The following UTRN variants were observed in gnomAD, a reference collection of about 807,000 sequenced individuals.
The protein encoded by UTRN is dystrophin-related protein 1.
A neutral mutation model predicts 463.9 loss-of-function variants in UTRN; 283 were observed. That is an observed-to-expected ratio of 0.61 (90% CI 0.55 to 0.67). UTRN has a LOEUF of 0.67. UTRN is among the 30% of genes least tolerant of loss of function. The pLI, the probability that UTRN is intolerant of heterozygous loss-of-function variation, is 0.00. For missense variants in UTRN, 3,922 were observed against 4,084.3 expected, an observed-to-expected ratio of 0.96 and a Z score of 1.08; for synonymous variants, 1,442 against 1,431.5, an observed-to-expected ratio of 1.01 and a Z score of -0.17.
chr6:144,480,237 T>C, intron 26 of UTRN, among the ~76,000 whole-genome samples: 1 of 152,198 alleles, frequency 6.6e-6, no homozygotes, highest in East Asian at 1.9e-4. Context: ...AAGTTAGACC[T>C]TTGGGAGGCT....
intron 26 of UTRN, 108 bp downstream of exon 26, chr6:144,480,090 C>T: frequency 7.8e-7 from 1 of 1,274,750 alleles, no homozygotes; most frequent in Non-Finnish European, 1.0e-6. Context: ...CATGTAGCAT[C>T]TTTCACAGTA....
At position 144,489,871 on chromosome 6, in the gene UTRN, C is replaced by T. The variant is rs532992002; in HGVS notation, c.4135-200C>T. On this transcript the variant is annotated intron_variant, in intron 30 of 74. Transcript: ENST00000367545. ...TCCTGATGTCGTGATCCACCCGCCTCGGCCTCCCAAAGTGTTGGGATTACA... is the reference window on the plus strand; with the variant it reads ...TCCTGATGTCGTGATCCACCCGCCTTGGCCTCCCAAAGTGTTGGGATTACA... Among the ~76,000 whole-genome samples the T allele has an allele frequency of 7.6e-4, 116 of 152,104 alleles. 1 individual carries two copies. The highest frequency in any genetic ancestry group is 1.2e-3 in the Non-Finnish European group (81 of 68,022).
chr6:144,496,815 C>G (rs749464425), intron 33 of UTRN, among the ~76,000 whole-genome samples: 86 of 152,026 alleles, frequency 5.7e-4, no homozygotes, highest in Non-Finnish European at 7.9e-4. Flanking sequence ...GGAAGGCTTC[C>G]CTGAGGAGGT....
chr6:144,849,026 G>A (rs541532938), intron 74 of UTRN, among the ~76,000 whole-genome samples: 1 of 152,196 alleles, frequency 6.6e-6, no homozygotes, highest in Non-Finnish European at 1.5e-5. Context: ...GGGAAGTGCT[G>A]TGTGAGAGGG....
At chr6:144,294,626 G>A (rs561610296) in intron 2 of UTRN, among the ~76,000 whole-genome samples, 3 of 151,966 alleles carry the variant, frequency 2.0e-5, no homozygotes, top group South Asian at 2.1e-4. Context: ...GTGGGGGGAC[G>A]GAGAGTGTGG....
At chr6:144,834,022 G>C (rs1158028727) in intron 69 of UTRN, among the ~76,000 whole-genome samples, 1 of 152,192 alleles carries the variant, frequency 6.6e-6, no homozygotes, top group Non-Finnish European at 1.5e-5. Context: ...CCAGGAACAA[G>C]CATGGGGTTC....
intron 50 of UTRN, among the ~76,000 whole-genome samples, chr6:144,562,194 TA>T (rs1193621873): frequency 6.6e-6 from 1 of 152,130 alleles, no homozygotes; most frequent in African/African-American, 2.4e-5. Context: ...ATTATTTATT[TA>T]AAAAAATATT....
At chr6:144,413,611 C>A (rs924339997) in intron 3 of UTRN, among the ~76,000 whole-genome samples, 1 of 151,988 alleles carries the variant, frequency 6.6e-6, no homozygotes, top group Non-Finnish European at 1.5e-5. Flanking sequence ...AGCTACAATT[C>A]GAGAGTTGGG....
intron 50 of UTRN, among the ~76,000 whole-genome samples, chr6:144,566,588 G>A (rs535836784): frequency 2.3e-4 from 35 of 152,152 alleles, no homozygotes; most frequent in African/African-American, 8.2e-4. Flanking sequence ...TAGAGCTATG[G>A]CTTGGCAAAC....
chr6:144,586,612 A>T (rs1321120113), intron 51 of UTRN, among the ~76,000 whole-genome samples: 1 of 152,122 alleles, frequency 6.6e-6, no homozygotes, highest in Non-Finnish European at 1.5e-5. Flanking sequence ...GGTGTTTTAT[A>T]TCATGAAGTC....
At chr6:144,658,541 T>TCCC (rs71707638) in intron 51 of UTRN, among the ~76,000 whole-genome samples, 22 of 150,396 alleles carry the variant, frequency 1.5e-4, no homozygotes, top group Non-Finnish European at 2.7e-4. Flanking sequence ...TTTTAGGGGT[T>TCCC]CCCCCCCCCA....
intron 50 of UTRN, among the ~76,000 whole-genome samples, chr6:144,563,787 T>G (rs1354744096): frequency 6.6e-6 from 1 of 152,228 alleles, no homozygotes; most frequent in African/African-American, 2.4e-5. Context: ...TTCTGTTACG[T>G]TGTTTTAATA....
At chr6:144,751,067 A>C (rs778502618) in intron 55 of UTRN, among the ~76,000 whole-genome samples, 3 of 152,152 alleles carry the variant, frequency 2.0e-5, no homozygotes, top group Non-Finnish European at 4.4e-5. Context: ...TGTAATAGGC[A>C]TTGGTTTCAT....
At chr6:144,327,031 G>A (rs1368792362) in intron 2 of UTRN, among the ~76,000 whole-genome samples, 1 of 152,164 alleles carries the variant, frequency 6.6e-6, no homozygotes, top group Non-Finnish European at 1.5e-5. Context: ...GAGAAGGGAT[G>A]TTTCGGGAGG....
chr6:144,610,593 G>A (rs1805388647), intron 51 of UTRN, among the ~76,000 whole-genome samples: 1 of 152,138 alleles, frequency 6.6e-6, no homozygotes, highest in African/African-American at 2.4e-5. Flanking sequence ...AGCTAGACAA[G>A]CCCAGGCATG....
At chr6:144,298,011 C>T (rs184821158) in intron 2 of UTRN, among the ~76,000 whole-genome samples, 1 of 152,282 alleles carries the variant, frequency 6.6e-6, no homozygotes, top group Non-Finnish European at 1.5e-5. Context: ...AACAAGTCAA[C>T]ATGCAAGACT....
intron 16 of UTRN, 28 bp downstream of exon 16, chr6:144,447,809 T>C (rs1353307947): frequency 1.3e-6 from 2 of 1,560,248 alleles, no homozygotes; most frequent in Non-Finnish European, 1.7e-6. Context: ...TCATATGTTG[T>C]GCCATGAAGT....
chr6:144,299,444 C>G (rs1017986405), intron 2 of UTRN, among the ~76,000 whole-genome samples: 2 of 152,024 alleles, frequency 1.3e-5, no homozygotes, highest in African/African-American at 2.4e-5. Context: ...GGCATTTTTT[C>G]TTTTACACTG....
Position 144,479,939 on chromosome 6 carries a change from A to T in UTRN, c.3464A>T (p.Tyr1155Phe). The T allele has an allele frequency of 6.2e-7, 1 of 1,614,202 alleles. No individual in the cohort carries two copies. Among genetic ancestry groups the T allele is most frequent in the Non-Finnish European group, 8.5e-7 (1 of 1,180,016 alleles). Residue 1155 changes from tyrosine to phenylalanine, a missense_variant, in exon 26 of 75, where the codon TAC becomes TTC. Tyr to Phe is a conservative substitution (Grantham distance 22). Around this residue, in one of 3 missense-constraint regions of UTRN, gnomAD observed 2,349 missense variants for 2,303.8 expected, o/e 1.02. Coordinates refer to ENST00000367545, the MANE Select transcript of UTRN (RefSeq NM_007124.3). Reference protein sequence around the residue: ...EEEYLERDFEYKSPEELESAV... With the variant: ...EEEYLERDFEFKSPEELESAV... ...GAATATTTGGAGCGGGATTTTGAGTACAAGTCACCAGAAGAGCTTGAGAGT... is the reference window on the plus strand; with the variant it reads ...GAATATTTGGAGCGGGATTTTGAGTTCAAGTCACCAGAAGAGCTTGAGAGT...
Sources: allele counts gnomAD v4.1 joint callset (sites outside exome capture counted in the v4.1 genomes callset), GRCh38; gene constraint gnomAD v4.1.1; regional missense constraint gnomAD v4.1.1; transcripts MANE v1.5; gene names NCBI Gene and HGNC (gene_info 2026-07-23, HGNC 2026-07-21).